The following TMEFF2 variants were observed in gnomAD, a reference collection of about 807,000 sequenced individuals.
The protein encoded by TMEFF2 is transmembrane protein with EGF like and two follistatin like domains 2, also known as tomoregulin-2.
Under a neutral mutation model 53.8 loss-of-function variants are expected in TMEFF2, and 28 were observed. The observed-to-expected ratio is 0.52, with a 90% CI of 0.39 to 0.71. The LOEUF is 0.71. TMEFF2 is among the 30% of genes least tolerant of loss of function. The probability of loss-of-function intolerance (pLI) is 0.00; values close to 1 mark genes in which losing one functional copy is unlikely to be tolerated. For synonymous variants in TMEFF2, 162 were observed against 166.3 expected (o/e 0.97, Z 0.20); for missense variants, 353 against 455.2 (o/e 0.78, Z 2.04).
chr2:192,109,667 A>G, intron 4 of TMEFF2, among the ~76,000 whole-genome samples: 1 of 152,150 alleles, frequency 6.6e-6, no homozygotes, highest in East Asian at 1.9e-4. Context: ...AGGGGCAAAT[A>G]TTGAAACAAC....
chr2:191,995,851 C>G (rs1686209998), intron 7 of TMEFF2, among the ~76,000 whole-genome samples: 1 of 151,934 alleles, frequency 6.6e-6, no homozygotes, highest in South Asian at 2.1e-4. Context: ...TTTCAACAAA[C>G]ATGTATTTTT....
At chr2:191,953,603 C>T (rs1691955758) in intron 9 of TMEFF2, 76 bp downstream of exon 9, 1 of 1,538,978 alleles carries the variant, frequency 6.5e-7, no homozygotes, top group Non-Finnish European at 8.8e-7. Flanking sequence ...AGGAACTCAC[C>T]TCGGAGGGAT....
chr2:192,190,853 TA>T (rs1691444511), intron 2 of TMEFF2, among the ~76,000 whole-genome samples: 1 of 147,466 alleles, frequency 6.8e-6, no homozygotes, highest in East Asian at 2.0e-4. Context: ...TATCTAGGTC[TA>T]AATTTGAGTT....
chr2:192,042,842 G>T (rs1456420279), intron 5 of TMEFF2, among the ~76,000 whole-genome samples: 3 of 152,116 alleles, frequency 2.0e-5, no homozygotes, highest in African/African-American at 7.2e-5. Flanking sequence ...GAGTCAATTT[G>T]TCATTTAAGA....
At chr2:192,145,450 C>A (rs530640372) in intron 4 of TMEFF2, among the ~76,000 whole-genome samples, 32 of 151,886 alleles carry the variant, frequency 2.1e-4, no homozygotes, top group Non-Finnish European at 3.7e-4. Context: ...TTCAAGTAAG[C>A]AATTCCTTGG....
rs188514913 is a variant in TMEFF2 at position 191,989,375 on chromosome 2, T to C, written c.745+8887A>G. On this transcript the variant is annotated intron_variant, in intron 7 of 9. Coordinates refer to ENST00000272771, the MANE Select transcript of TMEFF2 (RefSeq NM_016192.4). Reference sequence around the variant, plus strand: ...GTTATGACAGTTGGGGAGGAGGTCCTAGCCAAGGACACTTATTTATCCTAA... The same window carrying C: ...GTTATGACAGTTGGGGAGGAGGTCCCAGCCAAGGACACTTATTTATCCTAA... Among the ~76,000 whole-genome samples the C allele has an allele frequency of 9.1e-4, 138 of 152,262 alleles. No individual in the cohort carries two copies. The East Asian group carries it at 0.025, about 28-fold the overall frequency.
At chr2:192,075,302 T>TAAATATATAA (rs1258473625) in intron 4 of TMEFF2, among the ~76,000 whole-genome samples, 1 of 38,086 alleles carries the variant, frequency 2.6e-5, no homozygotes, top group African/African-American at 8.0e-5. Context: ...TATATATATA[T>TAAATATATAA]ATATATATAT....
At chr2:192,004,816 G>A (rs1038561821) in intron 5 of TMEFF2, among the ~76,000 whole-genome samples, 12 of 152,110 alleles carry the variant, frequency 7.9e-5, no homozygotes, top group Non-Finnish European at 1.6e-4. Context: ...GCAAATAATT[G>A]CATTATTATT....
chr2:192,000,606 C>T (rs995168948), intron 5 of TMEFF2, among the ~76,000 whole-genome samples: 1 of 152,162 alleles, frequency 6.6e-6, no homozygotes, highest in Admixed American at 6.5e-5. Context: ...GCACCAGACT[C>T]AATTCCTGGG....
chr2:192,173,196 A>G (rs534431081), intron 4 of TMEFF2, among the ~76,000 whole-genome samples: 20 of 151,970 alleles, frequency 1.3e-4, no homozygotes, highest in Admixed American at 7.2e-4. Flanking sequence ...GGATACCCCA[A>G]TTACCCTGAT....
chr2:192,134,600 T>A (rs1021347275), intron 4 of TMEFF2, among the ~76,000 whole-genome samples: 1 of 152,074 alleles, frequency 6.6e-6, no homozygotes, highest in African/African-American at 2.4e-5. Flanking sequence ...CCCCCTCCCT[T>A]CCCTACACTT....
chr2:192,119,795 A>G (rs1324707834), intron 4 of TMEFF2, among the ~76,000 whole-genome samples: 1 of 152,204 alleles, frequency 6.6e-6, no homozygotes, highest in Non-Finnish European at 1.5e-5. Context: ...ATGAATTGAC[A>G]GCAGTGTAGT....
intron 4 of TMEFF2, among the ~76,000 whole-genome samples, chr2:192,099,503 G>A (rs1170010044): frequency 4.6e-5 from 7 of 152,022 alleles, no homozygotes; most frequent in African/African-American, 1.4e-4. Flanking sequence ...TCTTGGGTTG[G>A]CAATGCTCTG....
At chr2:191,986,162 C>T (rs1241567675) in intron 7 of TMEFF2, among the ~76,000 whole-genome samples, 1 of 152,128 alleles carries the variant, frequency 6.6e-6, no homozygotes, top group Non-Finnish European at 1.5e-5. Flanking sequence ...CCAAGGCTTA[C>T]AAAAATGTAT....
chr2:192,188,663 C>A (rs1000383756), intron 2 of TMEFF2, among the ~76,000 whole-genome samples: 2 of 152,150 alleles, frequency 1.3e-5, no homozygotes, highest in East Asian at 3.8e-4. Flanking sequence ...CATTTAGTAT[C>A]TGAATTAGGT....
chr2:192,106,586 ACT>A (rs1310205582), intron 4 of TMEFF2, among the ~76,000 whole-genome samples: 1 of 151,734 alleles, frequency 6.6e-6, no homozygotes, highest in Non-Finnish European at 1.5e-5. Flanking sequence ...AATAAAATTT[ACT>A]CTTCTTAAAA....
At chr2:192,014,313 G>A (rs940260501) in intron 5 of TMEFF2, among the ~76,000 whole-genome samples, 1 of 152,156 alleles carries the variant, frequency 6.6e-6, no homozygotes, top group Non-Finnish European at 1.5e-5. Flanking sequence ...TAGGCTACAT[G>A]CAGTGCATAC....
chr2:191,968,889 AAAAAAT>A (rs2105801445), intron 7 of TMEFF2, among the ~76,000 whole-genome samples: 1 of 152,278 alleles, frequency 6.6e-6, no homozygotes, highest in Non-Finnish European at 1.5e-5. Context: ...TACATACAGA[AAAAAAT>A]AAATTGAGTT....
intron 7 of TMEFF2, among the ~76,000 whole-genome samples, chr2:191,979,820 A>G (rs1361309334): frequency 1.3e-5 from 2 of 149,780 alleles, no homozygotes; most frequent in Non-Finnish European, 2.9e-5. Flanking sequence ...TTAATTTATG[A>G]TTAATATATA....
Sources: gnomAD v4.1 joint callset for allele counts (sites outside exome capture counted in the v4.1 genomes callset) on GRCh38, gnomAD v4.1.1 for gene constraint, MANE v1.5 for transcripts, NCBI Gene and HGNC (gene_info 2026-07-23, HGNC 2026-07-21) for gene names.